Variants in IFT140 observed in about 807,000 individuals in gnomAD.
IFT140 encodes intraflagellar transport protein 140 homolog.
In IFT140, 133 loss-of-function variants were observed where a neutral mutation model predicts 164.6. The observed-to-expected ratio is 0.81, with a 90% CI of 0.70 to 0.93. The LOEUF is 0.93. Ranked by LOEUF, IFT140 falls within the 40% of genes least tolerant of loss-of-function variation. The pLI, the probability that IFT140 is intolerant of heterozygous loss-of-function variation, is 0.00. For missense variants in IFT140, 2,045 were observed against 1,972.3 expected (o/e 1.04, Z -0.70); for synonymous variants, 860 against 817.3 (o/e 1.05, Z -0.89).
rs752166799 is a variant in IFT140 at position 1,564,126 on chromosome 16, A to C, written c.1938T>G (p.Tyr646Ter). 6.3e-7 allele frequency: 1 copy of C among 1,588,728 alleles called. No individual in the cohort carries two copies. Among genetic ancestry groups the C allele is most frequent in the African/African-American group, 1.3e-5 (1 of 74,230 alleles). Residue 646 changes from tyrosine to a stop codon, truncating the protein, a stop_gained, in exon 17 of 31, where the codon TAT becomes TAG. Coordinates refer to ENST00000426508, the MANE Select transcript of IFT140 (RefSeq NM_014714.4). LOFTEE classifies it high-confidence loss of function. The surrounding 1 kb of genome is among the most constrained non-coding windows in gnomAD (Gnocchi z 5.5). ...HLFVDEGLKN[Y>*]VPVNHFWDQS... Reference sequence around the variant, plus strand: ...GGTCCCAGAAGTGGTTCACGGGAACATAATTTTTCAGTCCCTCATCCACAA... The same window carrying C: ...GGTCCCAGAAGTGGTTCACGGGAACCTAATTTTTCAGTCCCTCATCCACAA...
At position 1,522,505 on chromosome 16, in the gene IFT140, A is replaced by G. The variant is rs2040554261; in HGVS notation, c.3453+1013T>C. 2.0e-5 allele frequency among the ~76,000 whole-genome samples: 3 copies of G among 152,226 alleles called. No homozygotes were observed. In the South Asian group the frequency reaches 6.2e-4, roughly 31 times the overall value. ...AGCTGAGATCGCCCCATTGCACTAT[A>G]GCCTGGGCAACAAGAGTGAAACTCC... On this transcript the variant is annotated intron_variant, in intron 26 of 30. Coordinates refer to ENST00000426508, the MANE Select transcript of IFT140 (RefSeq NM_014714.4).
At position 1,562,210 on chromosome 16, in the gene IFT140, C is replaced by T. The variant is rs774739583; in HGVS notation, c.2068-94G>A. The T allele has an allele frequency of 1.1e-5, 12 of 1,121,394 alleles. 1 individual carries two copies. Among genetic ancestry groups the T allele is most frequent in the East Asian group, 2.8e-5 (1 of 36,242 alleles). The allele number at this position is 1,121,394 out of a possible 1,614,324, so 69.5% of individuals were successfully genotyped here. On this transcript the variant is annotated intron_variant, in intron 17 of 30. Transcript: ENST00000426508. Reference sequence around the variant, plus strand: ...CCATTTTGCTACACACACTGCGTCACGGTGGGGTCGTTGCTACACACTGCG... The same window carrying T: ...CCATTTTGCTACACACACTGCGTCATGGTGGGGTCGTTGCTACACACTGCG...
intron 30 of IFT140, among the ~76,000 whole-genome samples, chr16:1,512,644 T>C (rs1047069972): frequency 1.3e-5 from 2 of 152,144 alleles, no homozygotes; most frequent in African/African-American, 4.8e-5. Context: ...ATAGTTCTCC[T>C]AGAAATAGAA....
intron 3 of IFT140, chr16:1,604,274 C>CGCGTGTGTGTGTGT (rs552736270): frequency 7.7e-6 from 1 of 129,812 alleles, no homozygotes; most frequent in African/African-American, 2.9e-5. Flanking sequence ...GCTGCAAGGG[C>CGCGTGTGTGTGTGT]GTGTGTGTGT....
chr16:1,523,382 G>A, intron 26 of IFT140, 136 bp downstream of exon 26: 1 of 858,350 alleles, frequency 1.2e-6, no homozygotes, highest in Non-Finnish European at 1.8e-6. Flanking sequence ...GTGAAACCTA[G>A]GGCAGGGGGC....
At chr16:1,588,944 G>A (rs186409341) in intron 7 of IFT140, among the ~76,000 whole-genome samples, 4 of 152,210 alleles carry the variant, frequency 2.6e-5, no homozygotes, top group Admixed American at 6.5e-5. Flanking sequence ...TGGGGACACC[G>A]GGAAGAGGCC....
intron 4 of IFT140, among the ~76,000 whole-genome samples, chr16:1,601,526 A>G (rs1278252177): frequency 6.6e-6 from 1 of 152,222 alleles, no homozygotes; most frequent in East Asian, 1.9e-4. Flanking sequence ...TGATAAACTC[A>G]CAAATACTCA....
At chr16:1,516,139 CAAAAAAAAAAAAAAAAAAAAAAAAAAA>C (rs869165237) in intron 30 of IFT140, among the ~76,000 whole-genome samples, 1,153 of 46,056 alleles carry the variant, frequency 0.025, 44 homozygotes, top group Non-Finnish European at 0.038. Flanking sequence ...AACTCTGTCT[CAAAAAAAAAAAAAAAAAAAAAAAAAAA>C]AAAAAAAAAA....
intron 19 of IFT140, among the ~76,000 whole-genome samples, chr16:1,544,838 C>T (rs1042465471): frequency 8.0e-5 from 12 of 149,572 alleles, no homozygotes; most frequent in East Asian, 4.1e-4. Flanking sequence ...TTAGTAGAGA[C>T]GGGGTTTCAC....
In IFT140 at chr16:1,523,587, G is replaced by A. The variant is rs2141164194; in HGVS notation, c.3384C>T (p.Arg1128=). 1.9e-6 allele frequency: 3 copies of A among 1,613,858 alleles called. No individual in the cohort carries two copies. In the East Asian group the frequency reaches 6.7e-5, roughly 36 times the overall value. Residue 1128 remains arginine (R), a synonymous_variant, in exon 26 of 31, where the codon CGC becomes CGT. Coordinates refer to ENST00000426508, the MANE Select transcript of IFT140 (RefSeq NM_014714.4). ...TGTGCTCGATGAAGAAGTCGGAGCA[G>A]CGGGCCAGGAGCGCAGGGTCTGACG... ...DETSDPALLA[R]CSDFFIEHSQ... is the part of the protein sequence containing the mutation.
chr16:1,510,908 T>A lies in IFT140; in HGVS notation c.*36A>T, dbSNP rs1186764592. On this transcript the variant is annotated 3_prime_UTR_variant, in exon 31 of 31. Transcript: ENST00000426508. ...ACAAAAAAATTCCAGAAGATGCCTT[T>A]CTGCAGCAGCACGCTGGTCCTGGGG... is the stretch of plus-strand genomic sequence containing the variant. 1 of 1,584,780 alleles carries A rather than the reference T, an allele frequency of 6.3e-7. No individual in the cohort carries two copies. The highest frequency in any genetic ancestry group is 8.6e-7 in the Non-Finnish European group (1 of 1,161,158).
chr16:1,558,444 T>C (rs896392848), intron 18 of IFT140, among the ~76,000 whole-genome samples: 1 of 152,228 alleles, frequency 6.6e-6, no homozygotes, highest in African/African-American at 2.4e-5. Context: ...TCCAAAACAA[T>C]AACCTGGATT....
At chr16:1,517,373 A>G (rs1210587396) in intron 30 of IFT140, among the ~76,000 whole-genome samples, 1 of 151,730 alleles carries the variant, frequency 6.6e-6, no homozygotes, top group Non-Finnish European at 1.5e-5. Context: ...AAAAAGTACA[A>G]TAATAAGAAA....
At chr16:1,586,906 T>TGGTG (rs2034915617) in intron 9 of IFT140, among the ~76,000 whole-genome samples, 2 of 152,168 alleles carry the variant, frequency 1.3e-5, no homozygotes, top group Non-Finnish European at 2.9e-5. Context: ...GGGGTCTCAC[T>TGGTG]ATGTAGCTCA....
At chr16:1,549,504 C>T (rs1470413404) in intron 19 of IFT140, among the ~76,000 whole-genome samples, 1 of 152,230 alleles carries the variant, frequency 6.6e-6, no homozygotes, top group Non-Finnish European at 1.5e-5. Flanking sequence ...TCTCGGCTCA[C>T]CGCCGCAAGC....
Position 1,531,330 on chromosome 16 carries a change from G to A in IFT140, c.2400-4534C>T, listed in dbSNP as rs2030468887. The A allele has an allele frequency of 6.6e-6, 1 of 152,232 alleles. No individual in the cohort carries two copies. Among genetic ancestry groups the A allele is most frequent in the Non-Finnish European group, 1.5e-5 (1 of 68,062 alleles). 9.4% of individuals were successfully genotyped at this position (152,232 alleles called of 1,614,324 possible). On this transcript the variant is annotated intron_variant, in intron 19 of 30. Transcript: ENST00000426508. The surrounding 1 kb of genome is among the most constrained non-coding windows in gnomAD (Gnocchi z 4.7). ...CGCAGCCTTCAAAGGTCCTGCAGAA[G>A]CTCTGCCGAGACCACTCTGTGTCAG...
chr16:1,512,433 C>G (rs1401753677), intron 30 of IFT140, among the ~76,000 whole-genome samples: 1 of 152,092 alleles, frequency 6.6e-6, no homozygotes, highest in African/African-American at 2.4e-5. Flanking sequence ...GGAGCGTGTG[C>G]CTGGGCATTC....
intron 4 of IFT140, among the ~76,000 whole-genome samples, chr16:1,599,088 C>T (rs1459551481): frequency 1.3e-5 from 1 of 77,198 alleles, no homozygotes; most frequent in African/African-American, 6.8e-5. Context: ...ATGTGAGGAG[C>T]GCCTCTGCCC....
chr16:1,605,499 G>A (rs2036010799), intron 3 of IFT140, among the ~76,000 whole-genome samples: 1 of 152,106 alleles, frequency 6.6e-6, no homozygotes, highest in Non-Finnish European at 1.5e-5. Flanking sequence ...TCTGCCTCCT[G>A]GGTTCATGCC....
Sources: allele counts gnomAD v4.1 joint callset (sites outside exome capture counted in the v4.1 genomes callset), GRCh38; gene constraint gnomAD v4.1.1; non-coding constraint Gnocchi (gnomAD v3.1); transcripts MANE v1.5; gene names NCBI Gene and HGNC (gene_info 2026-07-23, HGNC 2026-07-21).